The following ALKBH5 variants were observed in gnomAD, a reference collection of about 807,000 sequenced individuals.
The protein encoded by ALKBH5 is alkB homolog 5, RNA demethylase.
Under a neutral mutation model 32.1 loss-of-function variants are expected in ALKBH5, and 2 were observed. That is an observed-to-expected ratio of 0.06 (90% CI 0.03 to 0.20). ALKBH5 has a LOEUF of 0.20. ALKBH5 is among the 10% of genes least tolerant of loss of function. ALKBH5 has a pLI of 1.00. For missense variants in ALKBH5, 352 were observed against 559.5 expected (o/e 0.63, Z 3.74); for synonymous variants, 300 against 231.7 (o/e 1.29, Z -2.68).
chr17:18,195,024 C>T lies in ALKBH5; in HGVS notation c.840C>T (p.Ile280=), dbSNP rs756802300. 1 of 1,613,416 alleles carries T rather than the reference C, an allele frequency of 6.2e-7. No homozygotes were observed. The highest frequency in any genetic ancestry group is 1.1e-5 in the South Asian group (1 of 91,010). Residue 280 remains isoleucine (I), a synonymous_variant, in exon 2 of 4, where the codon ATC becomes ATT. Transcript: ENST00000399138. ...PQDIKERRAV[I]ILRKTRLDAP... is the part of the protein sequence containing the mutation. ...ACATCAAGGAGCGCCGAGCAGTCAT[C>T]ATCCTCAGGAAGTAAGTGCCTTGAT... is the stretch of plus-strand genomic sequence containing the variant.
chr17:18,204,271 G>A (rs2047257350), intron 2 of ALKBH5, among the ~76,000 whole-genome samples: 1 of 152,028 alleles, frequency 6.6e-6, no homozygotes, highest in Non-Finnish European at 1.5e-5. Flanking sequence ...GACCAACATG[G>A]AGAAACCCCA....
At chr17:18,201,089 G>A (rs1013465148) in intron 2 of ALKBH5, among the ~76,000 whole-genome samples, 3 of 152,174 alleles carry the variant, frequency 2.0e-5, no homozygotes, top group African/African-American at 7.2e-5. Context: ...ATGAGCAGTG[G>A]AAGGAAGTGG....
intron 1 of ALKBH5, among the ~76,000 whole-genome samples, chr17:18,189,537 C>T (rs2047161201): frequency 6.6e-6 from 1 of 152,148 alleles, no homozygotes. Flanking sequence ...TTTGGTGAGG[C>T]CAGCAAGGCC....
chr17:18,200,149 A>G (rs1597840441), intron 2 of ALKBH5, among the ~76,000 whole-genome samples: 1 of 147,150 alleles, frequency 6.8e-6, no homozygotes, highest in African/African-American at 2.5e-5. Flanking sequence ...GCTTTGCGGG[A>G]GGAAGGGTAA....
intron 1 of ALKBH5, 128 bp downstream of exon 1, chr17:18,185,141 T>C (rs923372599): frequency 2.1e-6 from 3 of 1,455,426 alleles, no homozygotes; most frequent in Non-Finnish European, 2.7e-6. Flanking sequence ...GTTTGTAGAT[T>C]GTAGGGAGCG....
intron 2 of ALKBH5, among the ~76,000 whole-genome samples, chr17:18,200,425 A>G (rs373069542): frequency 6.6e-6 from 1 of 152,118 alleles, no homozygotes; most frequent in East Asian, 1.9e-4. Context: ...TGAGATTGGT[A>G]CTCTCCAGTT....
intron 1 of ALKBH5, among the ~76,000 whole-genome samples, chr17:18,191,462 C>G (rs1014740941): frequency 6.6e-6 from 1 of 152,082 alleles, no homozygotes; most frequent in Admixed American, 6.6e-5. Context: ...GTTCTAGAGC[C>G]CTTTGGGGGA....
intron 2 of ALKBH5, among the ~76,000 whole-genome samples, chr17:18,204,850 AAG>A (rs1247853900): frequency 6.6e-6 from 1 of 152,038 alleles, no homozygotes; most frequent in African/African-American, 2.4e-5. Flanking sequence ...GATCACTTAG[AAG>A]AGTTAGAGAC....
intron 2 of ALKBH5, among the ~76,000 whole-genome samples, chr17:18,205,054 T>TA (rs35565329): frequency 0.049 from 7,345 of 149,608 alleles, 378 homozygotes; most frequent in African/African-American, 0.13. Context: ...GATCTCTCTT[T>TA]AAAAAAAAAA....
intron 2 of ALKBH5, among the ~76,000 whole-genome samples, chr17:18,197,601 A>C (rs1443486524): frequency 6.6e-6 from 1 of 152,206 alleles, no homozygotes; most frequent in Non-Finnish European, 1.5e-5. Flanking sequence ...TCAGTCTTCC[A>C]GCTGCTACTC....
At chr17:18,201,330 G>A (rs2047235267) in intron 2 of ALKBH5, among the ~76,000 whole-genome samples, 1 of 152,214 alleles carries the variant, frequency 6.6e-6, no homozygotes, top group South Asian at 2.1e-4. Flanking sequence ...AGGAATATGG[G>A]TACAATGGGA....
chr17:18,208,532 TC>T lies in ALKBH5; in HGVS notation c.*138del. 2 of 1,084,124 alleles carry T rather than the reference TC, an allele frequency of 1.8e-6. No individual in the cohort carries two copies. Among genetic ancestry groups the T allele is most frequent in the Non-Finnish European group, 2.7e-6 (2 of 738,484 alleles). The allele number at this position is 1,084,124 out of a possible 1,614,324, so 67.2% of individuals were successfully genotyped here. On this transcript the variant is annotated 3_prime_UTR_variant, in exon 4 of 4. Transcript: ENST00000399138. The stretch of plus-strand genomic sequence containing the variant: ...TGTTTTTTTTGATTCTATATATTTT[TC>T]CTTGGTTTTGTTGCCTGTTAGGGCT...
chr17:18,206,562 C>G (rs1250389546), intron 2 of ALKBH5: 3 of 413,076 alleles, frequency 7.3e-6, no homozygotes, highest in Admixed American at 7.9e-5. Context: ...CCTAGGGTAG[C>G]ACAGCCTGTC....
chr17:18,189,464 C>G (rs913515223), intron 1 of ALKBH5, among the ~76,000 whole-genome samples: 2 of 152,200 alleles, frequency 1.3e-5, no homozygotes, highest in African/African-American at 2.4e-5. Flanking sequence ...TGCTAGCTCT[C>G]TGGGGGATAT....
intron 3 of ALKBH5, 48 bp from the exon 4 acceptor site, chr17:18,208,171 G>A (rs761693828): frequency 2.3e-5 from 35 of 1,554,158 alleles, no homozygotes; most frequent in African/African-American, 1.1e-4. Context: ...AAAGCCAGGC[G>A]CCTCCTGCCA....
rs1474302751 is a variant in ALKBH5 at position 18,209,816 on chromosome 17, CG to C, written c.*1423del. On this transcript the variant is annotated 3_prime_UTR_variant, in exon 4 of 4. Transcript: ENST00000399138. ...CTTTGCCAGCGTGGATTTCTCAAGT[CG>C]GGACTGCATAATTAAAGCAGTTGCA... 3 of 152,626 alleles carry C rather than the reference CG, an allele frequency of 2.0e-5. No homozygotes were observed. The highest frequency in any genetic ancestry group is 7.2e-5 in the African/African-American group (3 of 41,448). The allele number at this position is 152,626 out of a possible 1,614,324, so 9.5% of individuals were successfully genotyped here.
At chr17:18,190,599 C>T (rs1394898403) in intron 1 of ALKBH5, among the ~76,000 whole-genome samples, 2 of 151,442 alleles carry the variant, frequency 1.3e-5, no homozygotes, top group African/African-American at 2.4e-5. Flanking sequence ...TAATTTGCAC[C>T]TAATCTTCTG....
At chr17:18,206,737 T>C in intron 2 of ALKBH5, 78 bp from the exon 3 acceptor site, 1 of 1,539,634 alleles carries the variant, frequency 6.5e-7, no homozygotes, top group Non-Finnish European at 8.8e-7. Context: ...CCACTTGGCC[T>C]GGCCAGAGAA....
chr17:18,184,711 C>T lies in ALKBH5; in HGVS notation c.468C>T (p.Tyr156=). Residue 156 remains tyrosine, a synonymous_variant, in exon 1 of 4, where the codon TAC becomes TAT. Transcript: ENST00000399138. Reference sequence around the variant, plus strand: ...GCGGGCCCGGCCAGGAGCGCCTCTACCCGCCGGGCGACGTGGACGAGATCC... The same window carrying T: ...GCGGGCCCGGCCAGGAGCGCCTCTATCCGCCGGGCGACGTGGACGAGATCC... ...QKRGPGQERL[Y]PPGDVDEIPE... is the part of the protein sequence containing the mutation. The T allele has an allele frequency of 6.2e-7, 1 of 1,613,298 alleles. No homozygotes were observed. The highest frequency in any genetic ancestry group is 2.2e-5 in the East Asian group (1 of 44,880).
Sources: allele counts gnomAD v4.1 joint callset (sites outside exome capture counted in the v4.1 genomes callset), GRCh38; gene constraint gnomAD v4.1.1; transcripts MANE v1.5; gene names NCBI Gene and HGNC (gene_info 2026-07-23, HGNC 2026-07-21).